Variants in CD200 observed in about 807,000 individuals in gnomAD.
CD200 encodes CD200 molecule, also known as OX-2 membrane glycoprotein.
A neutral mutation model predicts 30.9 loss-of-function variants in CD200; 15 were observed. The ratio of observed to expected loss-of-function variants is 0.49; its 90% CI spans 0.32 to 0.75. The LOEUF (loss-of-function observed/expected upper bound fraction) is 0.75, where lower values mean the gene tolerates loss of function less well. Among genes scored for constraint, CD200 ranks in the 30% least tolerant of loss-of-function variants. The pLI, the probability that CD200 is intolerant of heterozygous loss-of-function variation, is 0.03. For synonymous variants in CD200, 134 were observed against 126.2 expected (o/e 1.06, Z -0.41); for missense variants, 262 against 324.2 (o/e 0.81, Z 1.47).
intron 5 of CD200, among the ~76,000 whole-genome samples, chr3:112,355,535 A>G (rs2081608322): frequency 6.6e-6 from 1 of 152,190 alleles, no homozygotes; most frequent in Admixed American, 6.5e-5. Context: ...GAAAGTTCAA[A>G]GTGGGAAAAT....
chr3:112,337,315 C>A (rs1013497003), intron 1 of CD200, among the ~76,000 whole-genome samples: 7 of 152,058 alleles, frequency 4.6e-5, no homozygotes, highest in Non-Finnish European at 1.5e-5. Flanking sequence ...ATCTGTATGG[C>A]AAGATGACTG....
At chr3:112,347,411 G>A in intron 3 of CD200, 147 bp from the exon 4 acceptor site, 2 of 765,596 alleles carry the variant, frequency 2.6e-6, no homozygotes, top group East Asian at 5.1e-5. Context: ...GAACTGGAAA[G>A]TCCCCAGTTT....
intron 1 of CD200, among the ~76,000 whole-genome samples, chr3:112,340,161 T>A (rs1194941506): frequency 6.6e-6 from 1 of 152,228 alleles, no homozygotes; most frequent in Non-Finnish European, 1.5e-5. Context: ...AAAAGTTACA[T>A]TTCTTTCCTT....
At chr3:112,337,567 A>G (rs7619941) in intron 1 of CD200, among the ~76,000 whole-genome samples, 138,669 of 152,252 alleles carry the variant, frequency 0.91, 63,187 homozygotes, top group Middle Eastern at 0.97. Flanking sequence ...CTATAGAAGA[A>G]GATGGCATCT....
intron 1 of CD200, among the ~76,000 whole-genome samples, chr3:112,340,541 A>T (rs894923598): frequency 1.3e-5 from 2 of 152,164 alleles, no homozygotes; most frequent in African/African-American, 2.4e-5. Flanking sequence ...TGGGAAGTGG[A>T]TGCTGTATAA....
chr3:112,347,288 C>G (rs182266623), intron 3 of CD200, among the ~76,000 whole-genome samples: 1 of 152,222 alleles, frequency 6.6e-6, no homozygotes, highest in Non-Finnish European at 1.5e-5. Context: ...TCTCAATACT[C>G]TATGTCCATC....
chr3:112,346,511 C>G (rs1054717588), intron 3 of CD200, among the ~76,000 whole-genome samples: 1 of 152,130 alleles, frequency 6.6e-6, no homozygotes, highest in Non-Finnish European at 1.5e-5. Context: ...TTCATGTAAG[C>G]CATTCTTTGA....
upstream of CD200, chr3:112,332,929 T>C: frequency 1.9e-6 from 1 of 524,576 alleles, no homozygotes. Context: ...AAAATGATTT[T>C]TTTTTTCCAA....
chr3:112,335,202 T>A (rs979467377), intron 1 of CD200, among the ~76,000 whole-genome samples: 13 of 151,700 alleles, frequency 8.6e-5, no homozygotes, highest in East Asian at 1.9e-4. Flanking sequence ...AGTTATATAT[T>A]TTTTTTCACT....
At chr3:112,358,539 G>T (rs1261983576) in intron 5 of CD200, among the ~76,000 whole-genome samples, 1 of 152,050 alleles carries the variant, frequency 6.6e-6, no homozygotes, top group Non-Finnish European at 1.5e-5. Context: ...CATTTTTTTT[G>T]TAGGAGTATG....
chr3:112,354,691 C>T (rs944850749), intron 5 of CD200, among the ~76,000 whole-genome samples: 7 of 152,162 alleles, frequency 4.6e-5, no homozygotes, highest in South Asian at 2.1e-4. Flanking sequence ...ACGCACTTAG[C>T]GGCTTAAAAC....
intron 2 of CD200, among the ~76,000 whole-genome samples, chr3:112,343,488 G>A (rs2081315668): frequency 6.6e-6 from 1 of 152,024 alleles, no homozygotes; most frequent in African/African-American, 2.4e-5. Flanking sequence ...ATTTCTTGTA[G>A]AGATAAGGGT....
chr3:112,342,401 C>T (rs1192376319), intron 2 of CD200, among the ~76,000 whole-genome samples: 11 of 57,086 alleles, frequency 1.9e-4, no homozygotes, highest in African/African-American at 7.1e-4. Flanking sequence ...TTCTTTCTTT[C>T]TTTCTTTCTT....
At chr3:112,345,944 G>C (rs573515533) in intron 3 of CD200, among the ~76,000 whole-genome samples, 1 of 152,162 alleles carries the variant, frequency 6.6e-6, no homozygotes, top group Non-Finnish European at 1.5e-5. Context: ...GAAAGGTTAC[G>C]AAGTGAGAAT....
chr3:112,344,323 A>G (rs2081334538), intron 2 of CD200, among the ~76,000 whole-genome samples: 2 of 152,198 alleles, frequency 1.3e-5, no homozygotes, highest in South Asian at 2.1e-4. Context: ...AATATTGAGG[A>G]AGGGAAGAAA....
intron 5 of CD200, among the ~76,000 whole-genome samples, chr3:112,357,770 GC>G (rs759081855): frequency 9.9e-5 from 15 of 152,122 alleles, no homozygotes; most frequent in Non-Finnish European, 1.9e-4. Context: ...AAGCAAAACG[GC>G]ATGTAACAGA....
At chr3:112,333,770 G>A (rs937327455) in intron 1 of CD200, 2 of 985,438 alleles carry the variant, frequency 2.0e-6, no homozygotes, top group Non-Finnish European at 2.4e-6. Context: ...CCTGGGGGAA[G>A]CCATGAAGGA....
intron 5 of CD200, among the ~76,000 whole-genome samples, chr3:112,352,440 G>A (rs1480131379): frequency 6.6e-6 from 1 of 151,912 alleles, no homozygotes; most frequent in Non-Finnish European, 1.5e-5. Context: ...TTCCAAATGA[G>A]CAGGAAAACA....
intron 2 of CD200, among the ~76,000 whole-genome samples, chr3:112,343,582 G>A (rs2081317528): frequency 1.3e-5 from 2 of 152,046 alleles, no homozygotes; most frequent in Admixed American, 1.3e-4. Context: ...AGGATTACAG[G>A]CATCAGCCAC....
Sources: gnomAD v4.1 joint callset for allele counts (sites outside exome capture counted in the v4.1 genomes callset) on GRCh38, gnomAD v4.1.1 for gene constraint, MANE v1.5 for transcripts, NCBI Gene and HGNC (gene_info 2026-07-23, HGNC 2026-07-21) for gene names.